DTNB: variants seen among roughly 807,000 people sequenced by gnomAD.
The protein encoded by DTNB is dystrobrevin beta, also known as DTN-B.
In DTNB, 63 loss-of-function variants were observed where a neutral mutation model predicts 90.7. The ratio of observed to expected loss-of-function variants is 0.69; its 90% CI spans 0.57 to 0.86. DTNB has a LOEUF of 0.86. DTNB is among the 40% of genes least tolerant of loss of function. DTNB has a pLI of 0.00. For missense variants in DTNB, 744 were observed against 807.1 expected, an observed-to-expected ratio of 0.92 and a Z score of 0.95; for synonymous variants, 277 against 286.7, an observed-to-expected ratio of 0.97 and a Z score of 0.34.
intron 6 of DTNB, among the ~76,000 whole-genome samples, chr2:25,590,412 A>T (rs1487809228): frequency 6.6e-6 from 1 of 151,988 alleles, no homozygotes; most frequent in East Asian, 1.9e-4. Flanking sequence ...TTCGGAGGAG[A>T]CTCGCAATGG....
intron 11 of DTNB, 75 bp downstream of exon 11, chr2:25,455,330 G>T: frequency 7.2e-7 from 1 of 1,392,090 alleles, no homozygotes; most frequent in Non-Finnish European, 9.6e-7. Flanking sequence ...TTTTCCAGCT[G>T]ACAACCCCAG....
intron 4 of DTNB, among the ~76,000 whole-genome samples, chr2:25,625,551 A>ATTTTTTTTTTTTTT (rs66586812): frequency 5.3e-4 from 39 of 73,944 alleles, no homozygotes; most frequent in African/African-American, 6.3e-4. Flanking sequence ...TAACTCACTC[A>ATTTTTTTTTTTTTT]TTTTTTTTTT....
intron 12 of DTNB, among the ~76,000 whole-genome samples, chr2:25,451,004 T>A (rs1574631775): frequency 6.6e-6 from 1 of 152,164 alleles, no homozygotes; most frequent in South Asian, 2.1e-4. Flanking sequence ...AGCATTTCAC[T>A]ATGCTGCCAG....
At chr2:25,422,475 G>A (rs967751043) in intron 15 of DTNB, among the ~76,000 whole-genome samples, 3 of 136,722 alleles carry the variant, frequency 2.2e-5, no homozygotes, top group African/African-American at 8.3e-5. Flanking sequence ...GCGCGATCTC[G>A]GCTCAGTGTG....
At chr2:25,458,887 C>T (rs539182751) in intron 10 of DTNB, among the ~76,000 whole-genome samples, 39 of 152,218 alleles carry the variant, frequency 2.6e-4, no homozygotes, top group Non-Finnish European at 5.3e-4. Flanking sequence ...CCTCGTGATC[C>T]GCCTGCCTCG....
chr2:25,482,576 C>T (rs754866688), intron 10 of DTNB, among the ~76,000 whole-genome samples: 1 of 151,750 alleles, frequency 6.6e-6, no homozygotes, highest in Non-Finnish European at 1.5e-5. Flanking sequence ...TGAGGCACCA[C>T]TGAAAGCCAA....
chr2:25,441,120 C>T (rs927987278), intron 12 of DTNB, among the ~76,000 whole-genome samples: 1 of 152,190 alleles, frequency 6.6e-6, no homozygotes, highest in Admixed American at 6.5e-5. Context: ...ACAATGAAAC[C>T]ACCTGTGTAA....
intron 8 of DTNB, among the ~76,000 whole-genome samples, chr2:25,559,956 G>T (rs1045786847): frequency 3.3e-5 from 5 of 152,200 alleles, no homozygotes; most frequent in Non-Finnish European, 7.3e-5. Context: ...CAATGTACGT[G>T]TCAAGGGGCC....
At chr2:25,399,671 T>C (rs1290736660) in intron 16 of DTNB, among the ~76,000 whole-genome samples, 3 of 152,202 alleles carry the variant, frequency 2.0e-5, no homozygotes, top group African/African-American at 7.2e-5. Flanking sequence ...ATACTTTAAC[T>C]AGATAAGCAA....
chr2:25,489,619 G>A (rs1047718101), intron 9 of DTNB, among the ~76,000 whole-genome samples: 5 of 151,932 alleles, frequency 3.3e-5, no homozygotes, highest in African/African-American at 1.2e-4. Context: ...GTATTTTGAG[G>A]CCAGCCTGGG....
At chr2:25,642,420 ATTTT>A (rs11375139) in intron 2 of DTNB, among the ~76,000 whole-genome samples, 1 of 146,666 alleles carries the variant, frequency 6.8e-6, no homozygotes, top group Non-Finnish European at 1.5e-5. Context: ...CTGGGACACT[ATTTT>A]TTTTTTTTTA....
In DTNB at chr2:25,551,592, C is replaced by G. The variant is rs549370364; in HGVS notation, c.877-19995G>C. On this transcript the variant is annotated intron_variant, in intron 8 of 20. Transcript: ENST00000406818. ...TCCCTTCTGCAACTTCTCATTTTAA[C>G]ACATACCACCTTCACTTAAAGATAT... Among the ~76,000 whole-genome samples, 10 of 152,210 alleles carry G rather than the reference C, an allele frequency of 6.6e-5. No homozygotes were observed. In the South Asian group the frequency reaches 2.1e-3, roughly 31 times the overall value.
At chr2:25,499,687 AT>A (rs1265447408) in intron 9 of DTNB, among the ~76,000 whole-genome samples, 3 of 152,126 alleles carry the variant, frequency 2.0e-5, no homozygotes, top group Admixed American at 1.3e-4. Context: ...ATTATATGTA[AT>A]TAGTTTTTAT....
intron 6 of DTNB, among the ~76,000 whole-genome samples, chr2:25,586,337 C>T (rs1382968456): frequency 1.3e-5 from 2 of 151,802 alleles, no homozygotes; most frequent in African/African-American, 2.4e-5. Flanking sequence ...ATGGTGAAAC[C>T]CCATCTCACT....
chr2:25,387,482 G>T lies in DTNB; in HGVS notation c.1736-104C>A. ...TGCCAGGCCCGAGAACACAGGTGTG[G>T]AACACCTAAGGGGAGATGGGGCCAC... is the stretch of plus-strand genomic sequence containing the variant. On this transcript the variant is annotated intron_variant, in intron 17 of 20. Transcript: ENST00000406818. This position sits in a 1 kb window ranked among gnomAD's most constrained non-coding sequence, Gnocchi z 4.5. 1 of 1,062,830 alleles carries T rather than the reference G, an allele frequency of 9.4e-7. No individual in the cohort carries two copies. The highest frequency in any genetic ancestry group is 1.4e-6 in the Non-Finnish European group (1 of 720,978). 65.8% of individuals were successfully genotyped at this position (1,062,830 alleles called of 1,614,324 possible).
chr2:25,504,792 T>G (rs1047081284), intron 9 of DTNB, among the ~76,000 whole-genome samples: 1 of 152,222 alleles, frequency 6.6e-6, no homozygotes, highest in African/African-American at 2.4e-5. Flanking sequence ...ATTCCCCAAA[T>G]AGATCTATTG....
At chr2:25,616,206 A>T (rs1244618181) in intron 4 of DTNB, among the ~76,000 whole-genome samples, 1 of 152,218 alleles carries the variant, frequency 6.6e-6, no homozygotes, top group Non-Finnish European at 1.5e-5. Context: ...CACTAGCAAG[A>T]GAGCCAGGTC....
intron 9 of DTNB, among the ~76,000 whole-genome samples, chr2:25,501,731 G>C (rs2070763054): frequency 6.6e-6 from 1 of 152,196 alleles, no homozygotes; most frequent in African/African-American, 2.4e-5. Context: ...GAATGAAGGA[G>C]AGGCGATAGT....
At chr2:25,618,734 C>T (rs973456040) in intron 4 of DTNB, among the ~76,000 whole-genome samples, 1 of 152,194 alleles carries the variant, frequency 6.6e-6, no homozygotes, top group Admixed American at 6.5e-5. Flanking sequence ...TTTAACCCCA[C>T]TCAAATAGAA....
Sources: allele counts gnomAD v4.1 joint callset (sites outside exome capture counted in the v4.1 genomes callset), GRCh38; gene constraint gnomAD v4.1.1; non-coding constraint Gnocchi (gnomAD v3.1); transcripts MANE v1.5; gene names NCBI Gene and HGNC (gene_info 2026-07-23, HGNC 2026-07-21).